Variants in DYM observed in about 807,000 individuals in gnomAD.
The protein encoded by DYM is dyggve-Melchior-Clausen syndrome protein.
Under a neutral mutation model 93.1 loss-of-function variants are expected in DYM, and 78 were observed. The observed-to-expected ratio is 0.84, with a 90% CI of 0.70 to 1.01. DYM has a LOEUF of 1.01. DYM is among the 50% of genes least tolerant of loss of function. The pLI, the probability that DYM is intolerant of heterozygous loss-of-function variation, is 0.00. For synonymous variants in DYM, 321 were observed against 319.7 expected (o/e 1.00, Z -0.04); for missense variants, 789 against 845.0 (o/e 0.93, Z 0.82).
At chr18:49,082,456 C>A (rs2078138328) in intron 17 of DYM, among the ~76,000 whole-genome samples, 1 of 152,224 alleles carries the variant, frequency 6.6e-6, no homozygotes, top group South Asian at 2.1e-4. Flanking sequence ...TTCAACCACA[C>A]TGCATTATTT....
intron 17 of DYM, among the ~76,000 whole-genome samples, chr18:49,080,741 C>T (rs1183047333): frequency 6.8e-6 from 1 of 146,312 alleles, no homozygotes; most frequent in East Asian, 2.1e-4. Context: ...CCTCACTTCT[C>T]AGACGGGGCA....
chr18:49,392,363 T>A (rs1056824532), intron 2 of DYM, among the ~76,000 whole-genome samples: 2 of 151,982 alleles, frequency 1.3e-5, no homozygotes, highest in Admixed American at 1.3e-4. Context: ...TTACCAAAAT[T>A]AAAAACTTCT....
chr18:49,066,457 G>A (rs1391432808), intron 17 of DYM, among the ~76,000 whole-genome samples: 4 of 152,090 alleles, frequency 2.6e-5, no homozygotes, highest in Non-Finnish European at 4.4e-5. Flanking sequence ...ATTCATTCAC[G>A]GTCATTGCTG....
intron 8 of DYM, among the ~76,000 whole-genome samples, chr18:49,308,800 A>G (rs542560829): frequency 1.3e-5 from 2 of 152,224 alleles, no homozygotes; most frequent in African/African-American, 4.8e-5. Flanking sequence ...TATGGGTCCA[A>G]TGGCTTCCTG....
intron 2 of DYM, chr18:49,417,876 C>T (rs2148293231): frequency 6.6e-6 from 1 of 152,206 alleles, no homozygotes; most frequent in South Asian, 2.1e-4. Flanking sequence ...GCCTGACCAA[C>T]ATGGAGAAAC....
rs541800602 is a variant in DYM at position 49,209,526 on chromosome 18, T to G, written c.1625+25A>C. 41 of 1,280,940 alleles carry G rather than the reference T, an allele frequency of 3.2e-5. No homozygotes were observed. The South Asian group carries it at 4.8e-4, about 15-fold the overall frequency. The allele number at this position is 1,280,940 out of a possible 1,614,324, so 79.3% of individuals were successfully genotyped here. On this transcript the variant is annotated intron_variant, in intron 14 of 17. Coordinates refer to ENST00000675505, the MANE Select transcript of DYM (RefSeq NM_001353214.3). ...GTCATATACAACATGCAGCATGCAGTAAATGGACAGCAGAGGTTAATAACC... is the reference window on the plus strand; with the variant it reads ...GTCATATACAACATGCAGCATGCAGGAAATGGACAGCAGAGGTTAATAACC...
At chr18:49,260,866 A>C (rs79594752) in intron 11 of DYM, among the ~76,000 whole-genome samples, 12,491 of 152,026 alleles carry the variant, frequency 0.082, 776 homozygotes, top group East Asian at 0.31. Context: ...GAGAAAAAAA[A>C]AAAACAAAAC....
chr18:49,109,585 C>T (rs117812675), intron 16 of DYM, among the ~76,000 whole-genome samples: 252 of 152,224 alleles, frequency 1.7e-3, no homozygotes, highest in Non-Finnish European at 3.1e-3. Context: ...GGGTCAGAGA[C>T]GGAGGGAAGT....
intron 1 of DYM, among the ~76,000 whole-genome samples, chr18:49,437,617 T>C (rs1302087067): frequency 6.6e-6 from 1 of 152,218 alleles, no homozygotes; most frequent in African/African-American, 2.4e-5. Context: ...AAAGGGTATA[T>C]GCATCTGTAA....
intron 11 of DYM, among the ~76,000 whole-genome samples, chr18:49,271,233 C>A (rs2094689635): frequency 6.6e-6 from 1 of 152,086 alleles, no homozygotes; most frequent in South Asian, 2.1e-4. Flanking sequence ...AAATAAAAAA[C>A]AGGGCAATGA....
intron 1 of DYM, among the ~76,000 whole-genome samples, chr18:49,439,085 C>G (rs2081098359): frequency 6.6e-6 from 1 of 152,184 alleles, no homozygotes; most frequent in Non-Finnish European, 1.5e-5. Context: ...TTTCTAGTGG[C>G]TTCCATGATA....
intron 6 of DYM, among the ~76,000 whole-genome samples, chr18:49,340,292 T>C (rs950417506): frequency 6.6e-6 from 1 of 152,122 alleles, no homozygotes; most frequent in African/African-American, 2.4e-5. Context: ...AAATGTTCAC[T>C]TTGCATCACA....
intron 1 of DYM, among the ~76,000 whole-genome samples, chr18:49,441,264 A>G (rs1236442508): frequency 4.6e-5 from 2 of 43,740 alleles, no homozygotes; most frequent in African/African-American, 9.6e-5. Context: ...ATATATAATT[A>G]TATAATATAT....
chr18:49,420,430 A>G (rs746444823), intron 2 of DYM, among the ~76,000 whole-genome samples: 32 of 152,280 alleles, frequency 2.1e-4, no homozygotes, highest in Non-Finnish European at 4.4e-4. Flanking sequence ...CGGTCTCCCA[A>G]GGTGTTTGGA....
chr18:49,174,113 CAT>C lies in DYM; in HGVS notation c.1626-10328_1626-10327del, dbSNP rs961361991. On this transcript the variant is annotated intron_variant, in intron 14 of 17. Coordinates refer to ENST00000675505, the MANE Select transcript of DYM (RefSeq NM_001353214.3). ...CTTTTTCTGTACCTACTGAGATGAT[CAT>C]ATAGTTTTCTTTTTAAGTCTAATAA... 2.6e-5 allele frequency among the ~76,000 whole-genome samples: 4 copies of C among 152,132 alleles called. No individual in the cohort carries two copies. In the South Asian group the frequency reaches 6.2e-4, roughly 24 times the overall value.
intron 6 of DYM, among the ~76,000 whole-genome samples, chr18:49,358,343 A>G (rs77839149): frequency 0.12 from 18,233 of 152,030 alleles, 1,340 homozygotes; most frequent in East Asian, 0.31. Flanking sequence ...AAGGAAGACA[A>G]ACTGTAGAAG....
intron 14 of DYM, among the ~76,000 whole-genome samples, chr18:49,173,652 CAAT>C (rs980953874): frequency 2.1e-4 from 32 of 152,178 alleles, no homozygotes; most frequent in Middle Eastern, 3.4e-3. Context: ...GTAAATTCAA[CAAT>C]AAAATTATTA....
intron 1 of DYM, among the ~76,000 whole-genome samples, chr18:49,431,580 C>A (rs1361206591): frequency 1.3e-5 from 2 of 150,740 alleles, no homozygotes; most frequent in African/African-American, 4.9e-5. Flanking sequence ...GAAAAGTTCT[C>A]CCATTGAATA....
intron 14 of DYM, among the ~76,000 whole-genome samples, chr18:49,178,707 C>T (rs1047854624): frequency 2.6e-5 from 4 of 152,040 alleles, no homozygotes; most frequent in African/African-American, 9.7e-5. Context: ...TAGTAATCCT[C>T]AGAAATAACC....
Sources: gnomAD v4.1 joint callset for allele counts (sites outside exome capture counted in the v4.1 genomes callset) on GRCh38, gnomAD v4.1.1 for gene constraint, MANE v1.5 for transcripts, NCBI Gene and HGNC (gene_info 2026-07-23, HGNC 2026-07-21) for gene names.